Variants in SLC24A2 observed in about 807,000 individuals in gnomAD.
SLC24A2 encodes the protein sodium/potassium/calcium exchanger 2.
Under a neutral mutation model 62.0 loss-of-function variants are expected in SLC24A2, and 36 were observed. That is an observed-to-expected ratio of 0.58 (90% CI 0.44 to 0.77). The LOEUF (loss-of-function observed/expected upper bound fraction) is 0.77, where lower values mean the gene tolerates loss of function less well. SLC24A2 is among the 30% of genes least tolerant of loss of function. SLC24A2 has a pLI of 0.00. For missense variants in SLC24A2, 846 were observed against 817.9 expected, an observed-to-expected ratio of 1.03 and a Z score of -0.42; for synonymous variants, 358 against 294.0, an observed-to-expected ratio of 1.22 and a Z score of -2.23.
chr9:20,236,504 A>T, the SLC24A2 span, among the ~76,000 whole-genome samples: 2 of 152,108 alleles, frequency 1.3e-5, no homozygotes, highest in Non-Finnish European at 1.5e-5. Flanking sequence ...TTCAAAGATA[A>T]ATTTTCCTCT....
At chr9:19,981,768 G>A in the SLC24A2 span, among the ~76,000 whole-genome samples, 1 of 152,274 alleles carries the variant, frequency 6.6e-6, no homozygotes. Context: ...CCCATGGGAA[G>A]TTCTTTACAA....
At chr9:19,874,279 C>T in the SLC24A2 span, among the ~76,000 whole-genome samples, 6 of 151,960 alleles carry the variant, frequency 3.9e-5, no homozygotes, top group African/African-American at 9.6e-5. Flanking sequence ...GGGGTTTCGC[C>T]ATGTTGGCCA....
chr9:19,946,320 C>T, the SLC24A2 span, among the ~76,000 whole-genome samples: 71 of 152,302 alleles, frequency 4.7e-4, no homozygotes, highest in African/African-American at 1.6e-3. Flanking sequence ...TTCATTTAGC[C>T]ATGGGTGACC....
chr9:19,523,012 C>G (rs781321401), intron 9 of SLC24A2, among the ~76,000 whole-genome samples: 7 of 152,140 alleles, frequency 4.6e-5, no homozygotes, highest in Non-Finnish European at 8.8e-5. Flanking sequence ...GGAGGGAATT[C>G]TAAAGTAGTG....
At chr9:19,954,648 A>G in the SLC24A2 span, among the ~76,000 whole-genome samples, 15 of 152,076 alleles carry the variant, frequency 9.9e-5, no homozygotes, top group Non-Finnish European at 2.1e-4. Flanking sequence ...AAGAATACTG[A>G]AACATTTCCC....
chr9:19,837,389 T>C, the SLC24A2 span, among the ~76,000 whole-genome samples: 2 of 135,164 alleles, frequency 1.5e-5, no homozygotes, highest in South Asian at 4.7e-4. Context: ...GAAGTGGAGC[T>C]TGCAGTGAGC....
chr9:20,087,299 C>CTATA, the SLC24A2 span, among the ~76,000 whole-genome samples: 1 of 152,146 alleles, frequency 6.6e-6, no homozygotes, highest in African/African-American at 2.4e-5. Context: ...TTCAGCTTTT[C>CTATA]TATAGTACAG....
At chr9:19,947,647 C>T in the SLC24A2 span, among the ~76,000 whole-genome samples, 2 of 151,260 alleles carry the variant, frequency 1.3e-5, no homozygotes, top group Non-Finnish European at 1.5e-5. Flanking sequence ...AAGAATTAGC[C>T]GGGCATGGTG....
intron 2 of SLC24A2, among the ~76,000 whole-genome samples, chr9:19,639,516 A>G (rs946376881): frequency 1.3e-5 from 2 of 152,232 alleles, no homozygotes; most frequent in Non-Finnish European, 2.9e-5. Flanking sequence ...CCACCATGCC[A>G]GCCATCATCT....
At chr9:19,740,163 C>G (rs2224487) in intron 2 of SLC24A2, among the ~76,000 whole-genome samples, 20,100 of 151,602 alleles carry the variant, frequency 0.13, 1,530 homozygotes, top group African/African-American at 0.19. Context: ...TTGAAAAATT[C>G]TTAGGCAGTA....
chr9:19,715,412 G>T (rs1395751315), intron 2 of SLC24A2, among the ~76,000 whole-genome samples: 1 of 152,134 alleles, frequency 6.6e-6, no homozygotes, highest in Non-Finnish European at 1.5e-5. Flanking sequence ...GTAGGACTCA[G>T]GTTTGAAATA....
rs1288181642 is a variant in SLC24A2 at position 19,636,286 on chromosome 9, C to CTT, written c.931-13989_931-13988dup. Among the ~76,000 whole-genome samples the CTT allele has an allele frequency of 6.5e-4, 57 of 88,122 alleles. 9 individuals are homozygous for CTT. Among genetic ancestry groups the CTT allele is most frequent in the African/African-American group, 2.5e-3 (51 of 20,348 alleles). The allele number at this position is 88,122 out of a possible 152,430, so 57.8% of individuals were successfully genotyped here. A position where few individuals can be genotyped will look rare whatever the true frequency, so the allele number is the denominator to read the frequency against. ...TTTTCTTCTCTTCTTCTCTTCTTCT[C>CTT]TTCTTTTCTTTTCTTTTCTTTTCTT... is the stretch of plus-strand genomic sequence containing the variant. On this transcript the variant is annotated intron_variant, in intron 2 of 10. Coordinates refer to ENST00000341998, the MANE Select transcript of SLC24A2 (RefSeq NM_020344.4).
intron 10 of SLC24A2, among the ~76,000 whole-genome samples, 179 bp downstream of exon 10, chr9:19,520,715 T>C (rs1169927028): frequency 6.6e-6 from 1 of 152,046 alleles, no homozygotes; most frequent in Non-Finnish European, 1.5e-5. Context: ...CATTAAGTTC[T>C]CTGAAATGAG....
chr9:19,582,211 T>C (rs1836230340), intron 5 of SLC24A2, among the ~76,000 whole-genome samples: 1 of 152,164 alleles, frequency 6.6e-6, no homozygotes, highest in Non-Finnish European at 1.5e-5. Flanking sequence ...GACCAGATCA[T>C]TCTGACATAA....
the SLC24A2 span, among the ~76,000 whole-genome samples, chr9:20,079,726 CTGTT>C: frequency 5.3e-5 from 8 of 152,302 alleles, no homozygotes; most frequent in Admixed American, 3.3e-4. Flanking sequence ...ATTTGGCTCT[CTGTT>C]TGTCTGTTAG....
At chr9:19,544,430 T>G (rs1834444643) in intron 8 of SLC24A2, among the ~76,000 whole-genome samples, 1 of 152,142 alleles carries the variant, frequency 6.6e-6, no homozygotes, top group African/African-American at 2.4e-5. Flanking sequence ...CACATTTACA[T>G]TTAAGGTTAA....
chr9:20,092,903 A>T, the SLC24A2 span, among the ~76,000 whole-genome samples: 8 of 152,308 alleles, frequency 5.3e-5, no homozygotes, highest in African/African-American at 1.9e-4. Context: ...GTTGCCAGGG[A>T]CTGGGTGGTA....
rs1243318233 is a variant in SLC24A2 at position 19,619,708 on chromosome 9, A to G, written c.970-16T>C. ...GCGGCTTAGCCTGAGCAGAGAAACC[A>G]AAGAGATGGTTAGTCTCAGGAATGA... On this transcript the variant is annotated splice_polypyrimidine_tract_variant and intron_variant, in intron 3 of 10. Coordinates refer to ENST00000341998, the MANE Select transcript of SLC24A2 (RefSeq NM_020344.4). 5 of 1,585,106 alleles carry G rather than the reference A, an allele frequency of 3.2e-6. No individual in the cohort carries two copies. The African/African-American group carries it at 6.7e-5, about 21-fold the overall frequency.
At position 19,744,113 on chromosome 9, in the gene SLC24A2, C is replaced by A. The variant is rs551174985; in HGVS notation, c.930+41824G>T. Among the ~76,000 whole-genome samples the A allele has an allele frequency of 2.6e-5, 4 of 152,246 alleles. No individual in the cohort carries two copies. The South Asian group carries it at 8.3e-4, about 32-fold the overall frequency. On this transcript the variant is annotated intron_variant, in intron 2 of 10. Transcript: ENST00000341998. ...GCTGCTCTGTGATGTTACAATACATCAATGACACCAAACTTTCTCTTATTT... is the reference window on the plus strand; with the variant it reads ...GCTGCTCTGTGATGTTACAATACATAAATGACACCAAACTTTCTCTTATTT...
Sources: gnomAD v4.1 joint callset for allele counts (sites outside exome capture counted in the v4.1 genomes callset) on GRCh38, gnomAD v4.1.1 for gene constraint, MANE v1.5 for transcripts, NCBI Gene and HGNC (gene_info 2026-07-23, HGNC 2026-07-21) for gene names.